Variants in PACRGL observed in about 807,000 individuals in gnomAD.
PACRGL encodes PACRG-like protein.
In PACRGL, 38 loss-of-function variants were observed where a neutral mutation model predicts 34.5. The ratio of observed to expected loss-of-function variants is 1.10; its 90% CI spans 0.85 to 1.44. PACRGL has a LOEUF of 1.44. Ranked by LOEUF, PACRGL falls within the 40% of genes most tolerant of loss-of-function variation. PACRGL has a pLI of 0.00. For synonymous variants in PACRGL, 128 were observed against 100.1 expected (o/e 1.28, Z -1.66); for missense variants, 305 against 281.4 (o/e 1.08, Z -0.60).
intron 1 of PACRGL, among the ~76,000 whole-genome samples, chr4:20,703,038 A>G (rs181136302): frequency 1.3e-5 from 2 of 152,342 alleles, no homozygotes; most frequent in Admixed American, 6.5e-5. Flanking sequence ...ATTTTATAAC[A>G]TGGAGCTTTG....
intron 8 of PACRGL, among the ~76,000 whole-genome samples, chr4:20,750,800 A>C (rs1410159446): frequency 6.6e-6 from 1 of 152,172 alleles, no homozygotes; most frequent in Admixed American, 6.5e-5. Flanking sequence ...TTCAAAATAA[A>C]ATGGTAACCT....
downstream of PACRGL, among the ~76,000 whole-genome samples, chr4:20,736,336 A>AT: frequency 6.6e-6 from 1 of 151,768 alleles, no homozygotes; most frequent in South Asian, 2.1e-4. Flanking sequence ...GTTCTTTTAC[A>AT]TTTTTTCTCA....
At position 20,709,677 on chromosome 4, in the gene PACRGL, T is replaced by C; in HGVS notation, c.276-6T>C. 2 of 1,560,836 alleles carry C rather than the reference T, an allele frequency of 1.3e-6. No homozygotes were observed. The highest frequency in any genetic ancestry group is 1.7e-6 in the Non-Finnish European group (2 of 1,145,638). On this transcript the variant is annotated splice_region_variant and splice_polypyrimidine_tract_variant and intron_variant, in intron 4 of 8. Coordinates refer to ENST00000503585, the MANE Select transcript of PACRGL (RefSeq NM_001258345.3). ...CTTGTTGCATTCACTAACTTTTATA[T>C]TTTAGATTGGTACATGGTTCAGTAA...
chr4:20,751,189 C>T (rs909923722), intron 8 of PACRGL, among the ~76,000 whole-genome samples: 1 of 152,186 alleles, frequency 6.6e-6, no homozygotes, highest in Non-Finnish European at 1.5e-5. Context: ...TGAAGAACTA[C>T]TTATCTTTGA....
At chr4:20,735,371 G>A (rs891661715), downstream of PACRGL, among the ~76,000 whole-genome samples, 1 of 152,106 alleles carries the variant, frequency 6.6e-6, no homozygotes, top group African/African-American at 2.4e-5. Flanking sequence ...ACAATTTTAT[G>A]AGGATTAAAA....
downstream of PACRGL, among the ~76,000 whole-genome samples, chr4:20,754,720 T>G (rs1754213252): frequency 6.6e-6 from 1 of 152,168 alleles, no homozygotes; most frequent in African/African-American, 2.4e-5. Context: ...CCCTTTGGAT[T>G]TTGTGATAGG....
the PACRGL span, among the ~76,000 whole-genome samples, chr4:20,759,348 A>C: frequency 1.3e-5 from 2 of 152,206 alleles, no homozygotes; most frequent in Admixed American, 6.5e-5. Context: ...AGAAGCTTCA[A>C]CCAGTAATAG....
At chr4:20,748,076 C>T (rs1380341007) in intron 8 of PACRGL, among the ~76,000 whole-genome samples, 1 of 152,076 alleles carries the variant, frequency 6.6e-6, no homozygotes, top group Non-Finnish European at 1.5e-5. Context: ...CTGCTAATTA[C>T]ACTCCATGTT....
At chr4:20,749,662 C>T (rs1753226859) in intron 8 of PACRGL, 1 of 1,596,604 alleles carries the variant, frequency 6.3e-7, no homozygotes, top group African/African-American at 1.3e-5. Flanking sequence ...CAGAGCTTAC[C>T]TCGAAACTCA....
intron 7 of PACRGL, among the ~76,000 whole-genome samples, chr4:20,715,830 A>T (rs765347806): frequency 6.6e-6 from 1 of 152,140 alleles, no homozygotes; most frequent in African/African-American, 2.4e-5. Context: ...GTGACAGTGC[A>T]TGCCAGCCTG....
intron 8 of PACRGL, among the ~76,000 whole-genome samples, chr4:20,738,407 T>G (rs1351593214): frequency 6.6e-6 from 1 of 152,038 alleles, no homozygotes; most frequent in Non-Finnish European, 1.5e-5. Flanking sequence ...GCCAAAAGAT[T>G]TATGGGACCT....
At chr4:20,763,081 G>GCT in the PACRGL span, among the ~76,000 whole-genome samples, 1 of 152,096 alleles carries the variant, frequency 6.6e-6, no homozygotes, top group Non-Finnish European at 1.5e-5. Flanking sequence ...TACTCCACCT[G>GCT]CTCTCTCCCT....
chr4:20,739,010 C>G (rs765522934), intron 8 of PACRGL, among the ~76,000 whole-genome samples: 10 of 152,170 alleles, frequency 6.6e-5, no homozygotes. Context: ...AGTCCGAGAT[C>G]GAACTGCAAG....
rs1015903396 is a variant in PACRGL at position 20,731,241 on chromosome 4, AT to A, written c.*3909del. ...CGTGCCACCGTGCCCAGCTAACTTA[AT>A]TTTTTTTTGTAGAGATAGATAGGGT... On this transcript the variant is annotated 3_prime_UTR_variant, in exon 9 of 9. Transcript: ENST00000503585. 104 of 285,152 alleles carry A rather than the reference AT, an allele frequency of 3.6e-4. No homozygotes were observed. The highest frequency in any genetic ancestry group is 4.6e-4 in the Non-Finnish European group (87 of 190,462). 17.7% of individuals were successfully genotyped at this position (285,152 alleles called of 1,614,324 possible). A position where few individuals can be genotyped will look rare whatever the true frequency, so the allele number is the denominator to read the frequency against.
chr4:20,732,667 G>A (rs778133430), downstream of PACRGL: 8 of 1,567,316 alleles, frequency 5.1e-6, no homozygotes, highest in African/African-American at 8.1e-5. Flanking sequence ...CTTGACTTCT[G>A]TTTTAATTCC....
chr4:20,733,458 C>T (rs190544679), downstream of PACRGL, among the ~76,000 whole-genome samples: 4 of 152,126 alleles, frequency 2.6e-5, no homozygotes, highest in South Asian at 2.1e-4. Flanking sequence ...ATTTGTTTCA[C>T]GTGAAAGATC....
At chr4:20,708,064 T>C (rs1465243216) in intron 4 of PACRGL, among the ~76,000 whole-genome samples, 194 bp downstream of exon 4, 1 of 152,210 alleles carries the variant, frequency 6.6e-6, no homozygotes, top group Non-Finnish European at 1.5e-5. Context: ...AGTTCCAAAA[T>C]ACAGTTATTG....
downstream of PACRGL, among the ~76,000 whole-genome samples, chr4:20,736,264 C>G (rs1749605013): frequency 6.6e-6 from 1 of 152,120 alleles, no homozygotes; most frequent in Admixed American, 6.5e-5. Context: ...AAGCATAAAT[C>G]AGGGAAACAA....
At chr4:20,764,163 T>C in the PACRGL span, among the ~76,000 whole-genome samples, 28 of 152,270 alleles carry the variant, frequency 1.8e-4, no homozygotes, top group Admixed American at 1.1e-3. Flanking sequence ...AGCAAATGAT[T>C]ATTCCATGAA....
Sources: allele counts gnomAD v4.1 joint callset (sites outside exome capture counted in the v4.1 genomes callset), GRCh38; gene constraint gnomAD v4.1.1; transcripts MANE v1.5; gene names NCBI Gene and HGNC (gene_info 2026-07-23, HGNC 2026-07-21).